Variants in NTM observed in about 807,000 individuals in gnomAD.
NTM encodes the protein neurotrimin.
In NTM, 13 loss-of-function variants were observed where a neutral mutation model predicts 42.1. That is an observed-to-expected ratio of 0.31 (90% CI 0.20 to 0.49). NTM has a LOEUF of 0.49. Among genes scored for constraint, NTM ranks in the 20% least tolerant of loss-of-function variants. The pLI, the probability that NTM is intolerant of heterozygous loss-of-function variation, is 0.99. For missense variants in NTM, 373 were observed against 452.8 expected (o/e 0.82, Z 1.60); for synonymous variants, 187 against 179.2 (o/e 1.04, Z -0.35).
chr11:131,475,057 CAG>C (rs1199721330), intron 1 of NTM, among the ~76,000 whole-genome samples: 1 of 152,188 alleles, frequency 6.6e-6, no homozygotes, highest in African/African-American at 2.4e-5. Flanking sequence ...GCTGTCTGCT[CAG>C]AGTGTTCCTT....
At chr11:131,699,571 CA>C (rs1328820371) in intron 1 of NTM, among the ~76,000 whole-genome samples, 22 of 152,138 alleles carry the variant, frequency 1.4e-4, no homozygotes, top group Admixed American at 1.4e-3. Context: ...CTAATAAAGA[CA>C]AACCCAAGAC....
At chr11:131,385,062 G>C (rs913016017) in intron 1 of NTM, among the ~76,000 whole-genome samples, 1 of 152,216 alleles carries the variant, frequency 6.6e-6, no homozygotes, top group African/African-American at 2.4e-5. Flanking sequence ...GCCCCCTGCA[G>C]ATGCTCCTGG....
At chr11:132,293,678 T>G (rs1289839148) in intron 4 of NTM, among the ~76,000 whole-genome samples, 4 of 141,976 alleles carry the variant, frequency 2.8e-5, no homozygotes, top group East Asian at 2.0e-4. Context: ...AATGTAAGGT[T>G]TTTTTTTTTT....
intron 3 of NTM, among the ~76,000 whole-genome samples, chr11:132,154,013 C>A (rs1222377599): frequency 6.6e-6 from 1 of 152,140 alleles, no homozygotes; most frequent in African/African-American, 2.4e-5. Context: ...GCATCCCAAA[C>A]AGGATCAATC....
chr11:131,397,393 C>G (rs966848177), intron 1 of NTM, among the ~76,000 whole-genome samples: 3 of 151,970 alleles, frequency 2.0e-5, no homozygotes, highest in Non-Finnish European at 4.4e-5. Context: ...TCATTTTATA[C>G]AGGGGTAAAC....
intron 1 of NTM, among the ~76,000 whole-genome samples, chr11:131,871,828 T>A (rs757905755): frequency 2.6e-5 from 4 of 152,138 alleles, no homozygotes; most frequent in Non-Finnish European, 4.4e-5. Context: ...GTCCCCTAGG[T>A]CTTTCCTTTG....
At chr11:132,123,762 C>A (rs1008576444) in intron 2 of NTM, among the ~76,000 whole-genome samples, 1 of 152,178 alleles carries the variant, frequency 6.6e-6, no homozygotes, top group Non-Finnish European at 1.5e-5. Flanking sequence ...ACAGGACCAG[C>A]CCAGGAGAGT....
intron 4 of NTM, among the ~76,000 whole-genome samples, chr11:132,215,567 T>C (rs2083670131): frequency 6.6e-6 from 1 of 152,214 alleles, no homozygotes; most frequent in African/African-American, 2.4e-5. Flanking sequence ...GAGGGCCCTG[T>C]GTAGCACTTT....
chr11:132,213,955 C>T, intron 4 of NTM, among the ~76,000 whole-genome samples: 1 of 63,102 alleles, frequency 1.6e-5, no homozygotes, highest in Admixed American at 1.5e-4. Flanking sequence ...GGGATGGTCT[C>T]GATCTCCTGA....
intron 2 of NTM, among the ~76,000 whole-genome samples, chr11:132,140,024 A>C (rs1449497773): frequency 6.6e-6 from 1 of 152,338 alleles, no homozygotes; most frequent in Admixed American, 6.5e-5. Flanking sequence ...GAATTTTTAC[A>C]ATAAACAAAA....
At chr11:132,031,379 A>C (rs2075896431) in intron 2 of NTM, among the ~76,000 whole-genome samples, 1 of 152,246 alleles carries the variant, frequency 6.6e-6, no homozygotes, top group Non-Finnish European at 1.5e-5. Context: ...GGAGGCAAGA[A>C]GACCAGTAAG....
intron 1 of NTM, among the ~76,000 whole-genome samples, chr11:131,887,124 A>G (rs1192646218): frequency 6.6e-6 from 1 of 152,214 alleles, no homozygotes; most frequent in Non-Finnish European, 1.5e-5. Context: ...GTTCTAACAG[A>G]TTAGATTGTA....
At chr11:132,157,337 T>TA (rs1383758293) in intron 3 of NTM, among the ~76,000 whole-genome samples, 8 of 152,188 alleles carry the variant, frequency 5.3e-5, no homozygotes, top group Non-Finnish European at 8.8e-5. Context: ...TATTTCTTTT[T>TA]AAAAAAAATC....
chr11:132,239,361 T>G (rs976655351), intron 4 of NTM, among the ~76,000 whole-genome samples: 1 of 152,234 alleles, frequency 6.6e-6, no homozygotes, highest in Non-Finnish European at 1.5e-5. Context: ...ACAGCCTAAA[T>G]GAATTTAAAA....
At chr11:132,103,276 G>A (rs1271455497) in intron 2 of NTM, among the ~76,000 whole-genome samples, 2 of 152,194 alleles carry the variant, frequency 1.3e-5, no homozygotes, top group African/African-American at 4.8e-5. Context: ...TACCATCTTT[G>A]GGGTCCACGG....
intron 4 of NTM, among the ~76,000 whole-genome samples, chr11:132,238,141 G>C (rs2089438367): frequency 6.6e-6 from 1 of 152,072 alleles, no homozygotes; most frequent in Non-Finnish European, 1.5e-5. Context: ...TCTTAACCTG[G>C]AAATCTGCCA....
At chr11:131,907,979 T>A (rs1242407283) in intron 1 of NTM, among the ~76,000 whole-genome samples, 4 of 152,210 alleles carry the variant, frequency 2.6e-5, no homozygotes, top group Admixed American at 1.3e-4. Flanking sequence ...TATGTGGGCA[T>A]CTCTGACCTT....
chr11:132,273,315 T>TG (rs1363171451), intron 4 of NTM, among the ~76,000 whole-genome samples: 9 of 105,788 alleles, frequency 8.5e-5, no homozygotes, highest in East Asian at 3.0e-4. Context: ...TAGTGTTTTT[T>TG]TTTTTTTTTT....
chr11:131,835,193 T>C (rs1771303663), intron 1 of NTM, among the ~76,000 whole-genome samples: 1 of 152,186 alleles, frequency 6.6e-6, no homozygotes. Context: ...TGGGCTCAGA[T>C]CTGAAGATAT....
Sources: gnomAD v4.1 joint callset for allele counts (sites outside exome capture counted in the v4.1 genomes callset) on GRCh38, gnomAD v4.1.1 for gene constraint, MANE v1.5 for transcripts, NCBI Gene and HGNC (gene_info 2026-07-23, HGNC 2026-07-21) for gene names.